The following RHOA variants were observed in gnomAD, a reference collection of about 807,000 sequenced individuals.
The protein encoded by RHOA is ras homolog family member A.
Under a neutral mutation model 17.5 loss-of-function variants are expected in RHOA, and 3 were observed. The observed-to-expected ratio is 0.17, with a 90% CI of 0.08 to 0.44. The LOEUF is 0.44. Ranked by LOEUF, RHOA falls within the 20% of genes least tolerant of loss-of-function variation. The probability of loss-of-function intolerance (pLI) is 0.99; values close to 1 mark genes in which losing one functional copy is unlikely to be tolerated. For missense variants in RHOA, 56 were observed against 242.3 expected, an observed-to-expected ratio of 0.23 and a Z score of 5.10; for synonymous variants, 98 against 88.4, an observed-to-expected ratio of 1.11 and a Z score of -0.61.
At chr3:49,386,708 A>G (rs2107869645) in intron 1 of RHOA, among the ~76,000 whole-genome samples, 1 of 152,310 alleles carries the variant, frequency 6.6e-6, no homozygotes, top group East Asian at 1.9e-4. Flanking sequence ...TATGCAACTT[A>G]GGGCGATTAA....
chr3:49,367,908 T>C (rs1371762088), intron 3 of RHOA, among the ~76,000 whole-genome samples: 1 of 151,730 alleles, frequency 6.6e-6, no homozygotes, highest in Non-Finnish European at 1.5e-5. Context: ...TTAGTAATAA[T>C]AATAATAATT....
intron 1 of RHOA, among the ~76,000 whole-genome samples, chr3:49,411,245 T>C (rs2048929609): frequency 6.6e-6 from 1 of 152,072 alleles, no homozygotes; most frequent in African/African-American, 2.4e-5. Flanking sequence ...TGGCCGTAGA[T>C]CATACCCCTA....
intron 1 of RHOA, among the ~76,000 whole-genome samples, chr3:49,410,852 TCAA>T (rs1466149080): frequency 3.3e-5 from 5 of 152,090 alleles, no homozygotes; most frequent in Admixed American, 2.0e-4. Flanking sequence ...ACCAAACAAG[TCAA>T]CAACAGAGGT....
intron 1 of RHOA, among the ~76,000 whole-genome samples, chr3:49,391,604 C>T (rs1170842636): frequency 2.6e-5 from 4 of 151,864 alleles, no homozygotes; most frequent in Admixed American, 1.3e-4. Flanking sequence ...AGTGCAATGG[C>T]GCGATCTCAA....
chr3:49,375,197 T>A (rs1575653373), intron 2 of RHOA, among the ~76,000 whole-genome samples: 1 of 151,878 alleles, frequency 6.6e-6, no homozygotes, highest in Non-Finnish European at 1.5e-5. Context: ...GAGGCAGAGG[T>A]TGCAGTGAGC....
intron 1 of RHOA, among the ~76,000 whole-genome samples, chr3:49,380,721 A>C (rs1380325699): frequency 7.2e-6 from 1 of 138,732 alleles, no homozygotes; most frequent in Non-Finnish European, 1.5e-5. Context: ...AATAATAATA[A>C]ATACTCATTA....
At chr3:49,404,605 C>A (rs1198339383) in intron 1 of RHOA, among the ~76,000 whole-genome samples, 25 of 94,824 alleles carry the variant, frequency 2.6e-4, no homozygotes, top group African/African-American at 1.0e-3. Context: ...GAGCAAGACT[C>A]CGTCTCAAAA....
At chr3:49,397,014 C>G (rs541413999) in intron 1 of RHOA, among the ~76,000 whole-genome samples, 25 of 151,514 alleles carry the variant, frequency 1.7e-4, no homozygotes, top group Non-Finnish European at 2.6e-4. Context: ...CCTGTGGTCC[C>G]ACCTACTCTG....
intron 1 of RHOA, among the ~76,000 whole-genome samples, chr3:49,396,662 G>A (rs533367228): frequency 2.0e-5 from 3 of 152,056 alleles, no homozygotes; most frequent in East Asian, 3.9e-4. Flanking sequence ...AGCCAAAATC[G>A]TACCACTGCT....
At chr3:49,408,665 T>A (rs1017320057) in intron 1 of RHOA, among the ~76,000 whole-genome samples, 2 of 80,570 alleles carry the variant, frequency 2.5e-5, no homozygotes, top group Non-Finnish European at 6.1e-5. Context: ...GAGCCCCATG[T>A]ATAGCAAGGC....
intron 3 of RHOA, among the ~76,000 whole-genome samples, chr3:49,365,588 CTTTTTT>C: frequency 8.0e-6 from 1 of 124,968 alleles, no homozygotes; most frequent in Non-Finnish European, 1.7e-5. Flanking sequence ...AATTTTCAAA[CTTTTTT>C]TTTTTTTTTT....
intron 2 of RHOA, among the ~76,000 whole-genome samples, chr3:49,374,560 T>G (rs2048194390): frequency 6.7e-6 from 1 of 150,126 alleles, no homozygotes; most frequent in Non-Finnish European, 1.5e-5. Context: ...CTTTACAAAA[T>G]ACAAGTATTA....
intron 3 of RHOA, among the ~76,000 whole-genome samples, chr3:49,365,653 C>T (rs891190724): frequency 2.1e-5 from 3 of 145,978 alleles, no homozygotes; most frequent in Non-Finnish European, 3.0e-5. Flanking sequence ...TGCAGTGATG[C>T]GATCTCGGCT....
intron 1 of RHOA, among the ~76,000 whole-genome samples, chr3:49,382,962 G>A (rs2048340631): frequency 6.6e-6 from 1 of 151,992 alleles, no homozygotes; most frequent in Middle Eastern, 3.4e-3. Flanking sequence ...GCTGAGGCAG[G>A]AGAATCACTT....
chr3:49,393,092 C>T (rs1003107766), intron 1 of RHOA, among the ~76,000 whole-genome samples: 2 of 152,098 alleles, frequency 1.3e-5, no homozygotes, highest in African/African-American at 2.4e-5. Flanking sequence ...AGGAGAATCG[C>T]TGGAACCTGG....
intron 1 of RHOA, among the ~76,000 whole-genome samples, chr3:49,377,423 T>G (rs2048246102): frequency 6.6e-6 from 1 of 151,958 alleles, no homozygotes; most frequent in Non-Finnish European, 1.5e-5. Flanking sequence ...AGTGAAACCC[T>G]GTCTCTACTA....
intron 2 of RHOA, among the ~76,000 whole-genome samples, chr3:49,373,493 T>C (rs2048177892): frequency 6.6e-6 from 1 of 151,466 alleles, no homozygotes; most frequent in African/African-American, 2.4e-5. Context: ...GTTTTAGGGG[T>C]TTTTTCCTTT....
intron 1 of RHOA, among the ~76,000 whole-genome samples, chr3:49,403,544 C>G (rs1435501843): frequency 1.3e-5 from 2 of 150,650 alleles, no homozygotes; most frequent in East Asian, 2.0e-4. Context: ...TGAGACCCCT[C>G]TCTCTACAAA....
chr3:49,374,582 C>T (rs6769744), intron 2 of RHOA, among the ~76,000 whole-genome samples: 111,993 of 151,826 alleles, frequency 0.74, 41,769 homozygotes, highest in East Asian at 0.99. Context: ...CCAGGCATGG[C>T]GGCGTGCGCC....
Sources: allele counts gnomAD v4.1 joint callset (sites outside exome capture counted in the v4.1 genomes callset), GRCh38; gene constraint gnomAD v4.1.1; transcripts MANE v1.5; gene names NCBI Gene and HGNC (gene_info 2026-07-23, HGNC 2026-07-21).